The following SLC14A2 variants were observed in gnomAD, a reference collection of about 807,000 sequenced individuals.
SLC14A2 encodes solute carrier family 14 member 2, also known as urea transporter 2.
In SLC14A2, 91 loss-of-function variants were observed where a neutral mutation model predicts 104.6. The observed-to-expected ratio is 0.87, with a 90% CI of 0.73 to 1.04. The LOEUF (loss-of-function observed/expected upper bound fraction) is 1.04, where lower values mean the gene tolerates loss of function less well. Ranked by LOEUF, SLC14A2 falls within the 50% of genes least tolerant of loss-of-function variation. The pLI is 0.00. For missense variants in SLC14A2, 1,189 were observed against 1,156.0 expected (o/e 1.03, Z -0.41); for synonymous variants, 476 against 466.4 (o/e 1.02, Z -0.27).
intron 1 of SLC14A2, among the ~76,000 whole-genome samples, chr18:45,270,881 T>C (rs1186430801): frequency 1.3e-5 from 2 of 152,162 alleles, no homozygotes; most frequent in East Asian, 3.9e-4. Flanking sequence ...TGGGCTTCAC[T>C]CACCAAAACC....
intron 1 of SLC14A2, among the ~76,000 whole-genome samples, chr18:45,303,032 A>G (rs1304381803): frequency 6.6e-6 from 1 of 152,164 alleles, no homozygotes; most frequent in Non-Finnish European, 1.5e-5. Flanking sequence ...AAAGAAAAGA[A>G]AAGAAAAAGA....
chr18:45,323,313 A>T (rs1193300283), intron 1 of SLC14A2, among the ~76,000 whole-genome samples: 1 of 152,186 alleles, frequency 6.6e-6, no homozygotes, highest in African/African-American at 2.4e-5. Flanking sequence ...CCAACTATTT[A>T]TCTCTGTTCC....
chr18:45,515,725 C>T (rs1183438454), intron 2 of SLC14A2: 1 of 152,250 alleles, frequency 6.6e-6, no homozygotes, highest in Non-Finnish European at 1.5e-5. Context: ...GATGTAGACA[C>T]ATTGGGCCCG....
At chr18:45,198,813 G>T in the SLC14A2 span, among the ~76,000 whole-genome samples, 1 of 151,890 alleles carries the variant, frequency 6.6e-6, no homozygotes, top group East Asian at 1.9e-4. Context: ...TAATTTTCTT[G>T]CTACTGTTGT....
upstream of SLC14A2, among the ~76,000 whole-genome samples, chr18:45,212,775 A>T (rs757496077): frequency 9.9e-5 from 15 of 152,218 alleles, no homozygotes; most frequent in African/African-American, 2.2e-4. Context: ...TTAAAGACGT[A>T]TAAAACACCC....
intron 2 of SLC14A2, among the ~76,000 whole-genome samples, chr18:45,588,849 T>C (rs1227160780): frequency 6.6e-6 from 1 of 152,122 alleles, no homozygotes; most frequent in Non-Finnish European, 1.5e-5. Flanking sequence ...CGTAATTCTT[T>C]TACAGCAAAG....
rs2045358146 is a variant in SLC14A2, at chr18:45,632,341, C to T, written c.522-9C>T. On this transcript the variant is annotated splice_polypyrimidine_tract_variant and intron_variant, in intron 4 of 19. Transcript: ENST00000255226. ...CTTCAAATGCAAAATCAGTCTGTTT[C>T]ACCGCCAGGTCTGCCATTGCCTCAG... is the stretch of plus-strand genomic sequence containing the variant. 6.2e-7 allele frequency: 1 copy of T among 1,609,842 alleles called. No homozygotes were observed. The highest frequency in any genetic ancestry group is 8.5e-7 in the Non-Finnish European group (1 of 1,178,454).
At chr18:45,384,097 A>G (rs1164331094) in intron 1 of SLC14A2, among the ~76,000 whole-genome samples, 1 of 152,214 alleles carries the variant, frequency 6.6e-6, no homozygotes, top group African/African-American at 2.4e-5. Flanking sequence ...TAGGCACTAC[A>G]CAGGAAAATA....
intron 1 of SLC14A2, among the ~76,000 whole-genome samples, chr18:45,340,515 G>T (rs1310421737): frequency 5.3e-5 from 8 of 152,224 alleles, no homozygotes; most frequent in Non-Finnish European, 4.4e-5. Flanking sequence ...GAGTATCTCT[G>T]ATATTCAATC....
At chr18:45,304,768 G>T (rs1374382743) in intron 1 of SLC14A2, among the ~76,000 whole-genome samples, 2 of 152,202 alleles carry the variant, frequency 1.3e-5, no homozygotes, top group African/African-American at 4.8e-5. Context: ...GTAGATAACA[G>T]TCAGGATATA....
chr18:45,489,137 C>G (rs2087670695), intron 2 of SLC14A2, among the ~76,000 whole-genome samples: 2 of 152,192 alleles, frequency 1.3e-5, no homozygotes, highest in South Asian at 4.1e-4. Flanking sequence ...TAAGTCCTTT[C>G]TGCATGCATA....
intron 19 of SLC14A2, among the ~76,000 whole-genome samples, chr18:45,680,574 CTT>C (rs1394723656): frequency 1.3e-5 from 2 of 152,182 alleles, no homozygotes; most frequent in East Asian, 3.8e-4. Flanking sequence ...GAGCTGTACT[CTT>C]TTGTTTTCTA....
chr18:45,612,315 G>A (rs1342205904), upstream of SLC14A2, among the ~76,000 whole-genome samples: 1 of 152,212 alleles, frequency 6.6e-6, no homozygotes, highest in Non-Finnish European at 1.5e-5. Flanking sequence ...AATATTATGT[G>A]CCCATGACAT....
intron 2 of SLC14A2, among the ~76,000 whole-genome samples, chr18:45,490,872 G>A (rs915224627): frequency 6.6e-6 from 1 of 152,084 alleles, no homozygotes; most frequent in African/African-American, 2.4e-5. Flanking sequence ...TGAAAAGATG[G>A]CCTACCTCAC....
chr18:45,633,421 C>T (rs578042592), intron 5 of SLC14A2, among the ~76,000 whole-genome samples: 3 of 152,304 alleles, frequency 2.0e-5, no homozygotes, highest in Admixed American at 2.0e-4. Context: ...GGGCAATCAC[C>T]TCATATTCTA....
chr18:45,660,036 G>A (rs115451871), intron 10 of SLC14A2, among the ~76,000 whole-genome samples: 341 of 152,066 alleles, frequency 2.2e-3, no homozygotes, highest in African/African-American at 8.0e-3. Context: ...CGAATGCTAA[G>A]GCAGAAGGAT....
intron 10 of SLC14A2, among the ~76,000 whole-genome samples, chr18:45,656,407 T>TA (rs2045837915): frequency 6.6e-6 from 1 of 152,160 alleles, no homozygotes; most frequent in East Asian, 1.9e-4. Context: ...TGTAAACACA[T>TA]CAGGAAAGCC....
At chr18:45,405,635 G>T (rs981820005) in intron 1 of SLC14A2, among the ~76,000 whole-genome samples, 1 of 152,186 alleles carries the variant, frequency 6.6e-6, no homozygotes, top group African/African-American at 2.4e-5. Context: ...GGGTGTGGTG[G>T]CTCTTGCCTG....
At chr18:45,178,391 A>G in the SLC14A2 span, among the ~76,000 whole-genome samples, 1 of 152,208 alleles carries the variant, frequency 6.6e-6, no homozygotes, top group Non-Finnish European at 1.5e-5. Context: ...AAGATTAAAA[A>G]AATGCAAGAA....
Sources: allele counts gnomAD v4.1 joint callset (sites outside exome capture counted in the v4.1 genomes callset), GRCh38; gene constraint gnomAD v4.1.1; transcripts MANE v1.5; gene names NCBI Gene and HGNC (gene_info 2026-07-23, HGNC 2026-07-21).